The following EPB41L2 variants were observed in gnomAD, a reference collection of about 807,000 sequenced individuals.
EPB41L2 encodes band 4.1-like protein 2.
Under a neutral mutation model 113.0 loss-of-function variants are expected in EPB41L2, and 43 were observed. That is an observed-to-expected ratio of 0.38 (90% CI 0.30 to 0.49). EPB41L2 has a LOEUF of 0.49. EPB41L2 is among the 20% of genes least tolerant of loss of function. The pLI is 0.95. For missense variants in EPB41L2, 1,147 were observed against 1,223.4 expected (o/e 0.94, Z 0.93); for synonymous variants, 442 against 436.7 (o/e 1.01, Z -0.15).
At chr6:130,990,054 C>T (rs1409027923) in intron 1 of EPB41L2, among the ~76,000 whole-genome samples, 1 of 152,192 alleles carries the variant, frequency 6.6e-6, no homozygotes, top group Non-Finnish European at 1.5e-5. Context: ...GGCACAGTGG[C>T]TCACACCTGT....
At chr6:131,055,129 G>C (rs978350851) in intron 1 of EPB41L2, among the ~76,000 whole-genome samples, 2 of 152,146 alleles carry the variant, frequency 1.3e-5, no homozygotes, top group East Asian at 3.9e-4. Context: ...TGCCTCAGGG[G>C]AGCAGAAATC....
At chr6:130,906,321 T>C (rs1404240552) in intron 5 of EPB41L2, among the ~76,000 whole-genome samples, 2 of 143,260 alleles carry the variant, frequency 1.4e-5, no homozygotes, top group African/African-American at 5.3e-5. Context: ...GCTAAGCTTT[T>C]TTAAAACTGA....
intron 1 of EPB41L2, among the ~76,000 whole-genome samples, chr6:130,961,087 G>A (rs952375077): frequency 6.6e-6 from 1 of 152,218 alleles, no homozygotes; most frequent in African/African-American, 2.4e-5. Flanking sequence ...AGATGGGCAA[G>A]CCAAAACTGG....
At position 130,956,055 on chromosome 6, in the gene EPB41L2, T is replaced by C; in HGVS notation, c.431A>G (p.Lys144Arg). The C allele has an allele frequency of 6.2e-7, 1 of 1,614,134 alleles. No homozygotes were observed. ...QKKQEIKVEV[K>R]EEKPSVSKEE... is the part of the protein sequence containing the mutation. ...CTTGCTCACTGAGGGTTTTTCTTCC[T>C]TGACTTCAACTTTAATCTCTTGTTT... Residue 144 changes from lysine (K) to arginine (R), a missense_variant, in exon 2 of 20, where the codon AAG becomes AGG. Physicochemically the swap from Lys to Arg is conservative, Grantham distance 26 (BLOSUM62 2). Coordinates refer to ENST00000337057, the MANE Select transcript of EPB41L2 (RefSeq NM_001431.4).
chr6:131,025,070 C>A (rs575501921), intron 1 of EPB41L2, among the ~76,000 whole-genome samples: 1 of 151,796 alleles, frequency 6.6e-6, no homozygotes, highest in African/African-American at 2.4e-5. Flanking sequence ...TAAGCCTATG[C>A]TTTTTAGATT....
intron 1 of EPB41L2, among the ~76,000 whole-genome samples, chr6:130,958,673 A>G (rs1295656511): frequency 6.6e-6 from 1 of 152,206 alleles, no homozygotes; most frequent in Non-Finnish European, 1.5e-5. Flanking sequence ...ATAAAAAAGG[A>G]AACCACAGGC....
At chr6:130,905,198 T>C (rs1797369161) in intron 5 of EPB41L2, among the ~76,000 whole-genome samples, 1 of 152,158 alleles carries the variant, frequency 6.6e-6, no homozygotes, top group African/African-American at 2.4e-5. Context: ...ATATCATAAA[T>C]GGCTTGTTAA....
chr6:131,005,914 G>A (rs1381838136), intron 1 of EPB41L2, among the ~76,000 whole-genome samples: 1 of 151,996 alleles, frequency 6.6e-6, no homozygotes, highest in African/African-American at 2.4e-5. Context: ...GCTAAATCCA[G>A]CCCCAACCCT....
intron 14 of EPB41L2, among the ~76,000 whole-genome samples, chr6:130,875,263 C>A (rs1487813364): frequency 6.6e-6 from 1 of 152,198 alleles, no homozygotes; most frequent in African/African-American, 2.4e-5. Flanking sequence ...TTCTCATTCA[C>A]AGCCCCTATA....
chr6:130,956,172 G>T lies in EPB41L2; in HGVS notation c.314C>A (p.Ala105Asp). 6.2e-7 allele frequency: 1 copy of T among 1,614,174 alleles called. No homozygotes were observed. Among genetic ancestry groups the T allele is most frequent in the Non-Finnish European group, 8.5e-7 (1 of 1,180,044 alleles). The part of the protein sequence containing the change: ...DGGDKKEPTQ[A>D]VVEEQVLDKE... ...ATCTAAGACCTGTTCTTCAACAACA[G>T]CTTGGGTAGGCTCTTTTTTATCTCC... Residue 105 changes from alanine (A) to aspartate (D), a missense_variant, in exon 2 of 20, where the codon GCT (alanine) becomes GAT (aspartate). Coordinates refer to ENST00000337057, the MANE Select transcript of EPB41L2 (RefSeq NM_001431.4).
Position 130,985,295 on chromosome 6 carries a change from T to TG in EPB41L2, c.-14-28797dup, listed in dbSNP as rs60134548. On this transcript the variant is annotated intron_variant, in intron 1 of 19. Transcript: ENST00000337057. ...TAAAAGCCCTGGACTCAGCCACATT[T>TG]GGGGGGGGACTTTCCCACCTTCAAG... 8.2e-3 allele frequency among the ~76,000 whole-genome samples: 1,250 copies of TG among 151,938 alleles called. 12 individuals carry two copies. The highest frequency in any genetic ancestry group is 0.026 in the African/African-American group (1,073 of 41,434).
chr6:130,902,207 C>G (rs1396238719), intron 6 of EPB41L2, among the ~76,000 whole-genome samples: 4 of 152,206 alleles, frequency 2.6e-5, no homozygotes. Context: ...CCATCTTAGT[C>G]CTGTGGACAC....
chr6:130,970,369 A>G (rs952355565), intron 1 of EPB41L2: 1 of 152,216 alleles, frequency 6.6e-6, no homozygotes, highest in African/African-American at 2.4e-5. Context: ...AGCGTCCAAA[A>G]GCTTAACGAG....
intron 19 of EPB41L2, among the ~76,000 whole-genome samples, chr6:130,852,439 A>G (rs1299888553): frequency 6.6e-6 from 1 of 152,094 alleles, no homozygotes; most frequent in African/African-American, 2.4e-5. Flanking sequence ...CCAAAAATAC[A>G]CCTTTGCTTT....
At chr6:130,915,187 C>T (rs1800602058) in intron 4 of EPB41L2, among the ~76,000 whole-genome samples, 1 of 151,364 alleles carries the variant, frequency 6.6e-6, no homozygotes, top group Non-Finnish European at 1.5e-5. Flanking sequence ...CCTGTAGTCC[C>T]AGCTACTTGG....
rs114739495 is a variant in EPB41L2 at position 130,959,932 on chromosome 6, T to C, written c.-14-3433A>G. On this transcript the variant is annotated intron_variant, in intron 1 of 19. Transcript: ENST00000337057. ...AACTAAGGCTGATTTTTGGCCAAAA[T>C]ATTTTAGAAGCAGTGAAATATAAAA... Among the ~76,000 whole-genome samples, 1,372 of 152,328 alleles carry C rather than the reference T, an allele frequency of 9.0e-3. 16 individuals carry two copies. Among genetic ancestry groups the C allele is most frequent in the African/African-American group, 0.027 (1,121 of 41,578 alleles).
At chr6:130,927,323 T>C (rs764515122) in intron 3 of EPB41L2, among the ~76,000 whole-genome samples, 2 of 152,112 alleles carry the variant, frequency 1.3e-5, no homozygotes, top group South Asian at 4.1e-4. Flanking sequence ...ACTTAACATA[T>C]TTTTACCTTG....
intron 19 of EPB41L2, among the ~76,000 whole-genome samples, chr6:130,842,029 C>G (rs1775681804): frequency 6.6e-6 from 1 of 152,200 alleles, no homozygotes; most frequent in African/African-American, 2.4e-5. Flanking sequence ...TAGGTAATCA[C>G]AAAGGACAGT....
intron 1 of EPB41L2, among the ~76,000 whole-genome samples, chr6:131,007,315 G>A (rs1030729810): frequency 6.6e-6 from 1 of 152,188 alleles, no homozygotes; most frequent in African/African-American, 2.4e-5. Context: ...GCCCTGTGAG[G>A]AGGTGTCTTC....
Sources: gnomAD v4.1 joint callset for allele counts (sites outside exome capture counted in the v4.1 genomes callset) on GRCh38, gnomAD v4.1.1 for gene constraint, MANE v1.5 for transcripts, NCBI Gene and HGNC (gene_info 2026-07-23, HGNC 2026-07-21) for gene names.